The following GTF2IRD1 variants were observed in gnomAD, a reference collection of about 807,000 sequenced individuals.
GTF2IRD1 encodes the protein GTF2I repeat domain containing 1, also known as general transcription factor II-I repeat domain-containing protein 1.
GTF2IRD1 carries 26 observed loss-of-function variants against 113.2 expected under a neutral mutation model. The observed-to-expected ratio is 0.23, with a 90% confidence interval of 0.17 to 0.32. GTF2IRD1 has a LOEUF of 0.32. GTF2IRD1 is among the 10% of genes least tolerant of loss of function. The probability of loss-of-function intolerance (pLI) is 1.00; values close to 1 mark genes in which losing one functional copy is unlikely to be tolerated. For synonymous variants in GTF2IRD1, 484 were observed against 529.1 expected (o/e 0.91, Z 1.17); for missense variants, 864 against 1,280.8 (o/e 0.67, Z 4.97).
At chr7:74,533,882 A>C (rs1434665294) in intron 9 of GTF2IRD1, among the ~76,000 whole-genome samples, 1 of 152,038 alleles carries the variant, frequency 6.6e-6, no homozygotes, top group Non-Finnish European at 1.5e-5. Context: ...TTTAAAACTT[A>C]GCTGGCATTG....
rs781834890 is a variant in GTF2IRD1, at chr7:74,589,871, C to T, written c.2341C>T (p.Leu781Phe). The change falls in exon 23 of 27, where the codon CTC becomes TTC. Residue 781 changes from leucine (L) to phenylalanine (F), a missense_variant. By Grantham distance (22) the Leu-to-Phe change is conservative (BLOSUM62 0). Transcript: ENST00000424337. ...TGTAGATGAAGATGACGCCAACAGACTCGGGGAGAAGGTGATCCTGCGGGA... is the reference window on the plus strand; with the variant it reads ...TGTAGATGAAGATGACGCCAACAGATTCGGGGAGAAGGTGATCCTGCGGGA... ...PKPDEDDANR[L>F]GEKVILREQV... 4 of 1,611,744 alleles carry T rather than the reference C, an allele frequency of 2.5e-6. No homozygotes were observed. The highest frequency in any genetic ancestry group is 1.1e-5 in the South Asian group (1 of 91,030).
At position 74,515,478 on chromosome 7, in the gene GTF2IRD1, C is replaced by G; in HGVS notation, c.303C>G (p.Pro101=). Residue 101 remains proline, a synonymous_variant, in exon 4 of 27, where the codon CCC becomes CCG. Coordinates refer to ENST00000424337, the MANE Select transcript of GTF2IRD1 (RefSeq NM_005685.4). The part of the protein sequence containing the change: ...PPWKDPEAEH[P]KKVQRGEGGG... ...GGAAGGATCCGGAGGCAGAGCACCC[C>G]AAGAAGGTGCAGCGGGGCGAGGGTG... The G allele has an allele frequency of 6.2e-7, 1 of 1,608,134 alleles. No individual in the cohort carries two copies. The highest frequency in any genetic ancestry group is 8.5e-7 in the Non-Finnish European group (1 of 1,176,808).
chr7:74,519,751 GGGGT>G, intron 6 of GTF2IRD1, 32 bp downstream of exon 6: 1 of 1,482,340 alleles, frequency 6.7e-7, no homozygotes, highest in South Asian at 1.3e-5. Flanking sequence ...CCAAGTCTAG[GGGGT>G]GGGACAGAGG....
intron 24 of GTF2IRD1, among the ~76,000 whole-genome samples, chr7:74,593,716 G>C (rs1802216754): frequency 7.0e-6 from 1 of 143,046 alleles, no homozygotes; most frequent in Non-Finnish European, 1.5e-5. Flanking sequence ...CTGGATGACA[G>C]AGCGAGACTC....
chr7:74,601,281 G>C, intron 26 of GTF2IRD1, 101 bp downstream of exon 26: 1 of 1,548,746 alleles, frequency 6.5e-7, no homozygotes. Flanking sequence ...AGGGGACGGG[G>C]AGGCACTGGG....
chr7:74,493,213 G>A lies in GTF2IRD1; in HGVS notation c.-6-14862G>A, dbSNP rs1423044648. The stretch of plus-strand genomic sequence containing the variant: ...CATCCTTGACCTCCTGGGCTCAGGG[G>A]ATCCTCCCATCTCAGCCTCCCGAGT... On this transcript the variant is annotated intron_variant, in intron 1 of 26. Coordinates refer to ENST00000424337, the MANE Select transcript of GTF2IRD1 (RefSeq NM_005685.4). Among the ~76,000 whole-genome samples, 4 of 151,480 alleles carry A rather than the reference G, an allele frequency of 2.6e-5. No individual in the cohort carries two copies. The East Asian group carries it at 7.8e-4, about 29-fold the overall frequency.
intron 22 of GTF2IRD1, among the ~76,000 whole-genome samples, chr7:74,586,416 A>T (rs782818346): frequency 2.0e-5 from 3 of 152,080 alleles, no homozygotes; most frequent in Non-Finnish European, 4.4e-5. Context: ...ACTCCACGAG[A>T]TAGGGACACG....
intron 25 of GTF2IRD1, among the ~76,000 whole-genome samples, chr7:74,596,643 G>GAAAAGA (rs1562903435): frequency 6.6e-6 from 1 of 151,534 alleles, no homozygotes; most frequent in Non-Finnish European, 1.5e-5. Flanking sequence ...ACTCTGTCTC[G>GAAAAGA]AAAAGAAAAA....
chr7:74,528,619 G>T (rs1797736474), intron 8 of GTF2IRD1, among the ~76,000 whole-genome samples: 2 of 144,022 alleles, frequency 1.4e-5, no homozygotes, highest in South Asian at 2.5e-4. Flanking sequence ...GGGAATGAGG[G>T]ATGGAGGAGG....
intron 1 of GTF2IRD1, chr7:74,507,413 A>C (rs1584548617): frequency 6.6e-6 from 1 of 152,292 alleles, no homozygotes; most frequent in East Asian, 1.9e-4. Context: ...GGGAGGTTGC[A>C]GTGAGCCAAG....
intron 1 of GTF2IRD1, among the ~76,000 whole-genome samples, chr7:74,477,852 C>T (rs184026808): frequency 9.9e-5 from 15 of 152,230 alleles, no homozygotes; most frequent in Non-Finnish European, 1.3e-4. Flanking sequence ...AGCCTTTTCC[C>T]GACAAGAAAA....
At chr7:74,556,933 C>T (rs1204570994) in intron 19 of GTF2IRD1, among the ~76,000 whole-genome samples, 7 of 151,798 alleles carry the variant, frequency 4.6e-5, no homozygotes, top group South Asian at 2.1e-4. Context: ...CACACTTGGG[C>T]GTTTTTAATG....
intron 24 of GTF2IRD1, among the ~76,000 whole-genome samples, chr7:74,594,008 G>A (rs1477281566): frequency 6.6e-6 from 1 of 151,808 alleles, no homozygotes; most frequent in Non-Finnish European, 1.5e-5. Context: ...GACCAGCCTG[G>A]CCAACATAGT....
chr7:74,595,148 G>C, intron 25 of GTF2IRD1, 97 bp downstream of exon 25: 1 of 777,450 alleles, frequency 1.3e-6, no homozygotes, highest in Admixed American at 2.2e-5. Flanking sequence ...GCTCATGCCT[G>C]TAATCCCAGC....
chr7:74,486,724 C>G (rs1490071278), intron 1 of GTF2IRD1, among the ~76,000 whole-genome samples: 2 of 151,866 alleles, frequency 1.3e-5, no homozygotes, highest in Non-Finnish European at 2.9e-5. Flanking sequence ...ATAGTCCCAG[C>G]TACTCAGGAA....
intron 1 of GTF2IRD1, among the ~76,000 whole-genome samples, chr7:74,479,752 CTT>C (rs1219454712): frequency 1.2e-4 from 15 of 122,128 alleles, no homozygotes; most frequent in African/African-American, 1.6e-4. Flanking sequence ...GTACATGAAT[CTT>C]TTTTTTTTTT....
At chr7:74,459,082 A>C (rs1554328296) in intron 1 of GTF2IRD1, among the ~76,000 whole-genome samples, 2 of 152,022 alleles carry the variant, frequency 1.3e-5, no homozygotes, top group East Asian at 1.9e-4. Flanking sequence ...TTGTGGCTTC[A>C]TGAGTATGGA....
chr7:74,578,892 C>T (rs199636481), intron 22 of GTF2IRD1, among the ~76,000 whole-genome samples: 12 of 151,304 alleles, frequency 7.9e-5, no homozygotes, highest in East Asian at 3.9e-4. Context: ...GAGGCTGAGG[C>T]GGGAGGATCG....
intron 1 of GTF2IRD1, among the ~76,000 whole-genome samples, chr7:74,454,960 T>TCAC (rs1792866487): frequency 6.6e-6 from 1 of 152,130 alleles, no homozygotes; most frequent in African/African-American, 2.4e-5. Flanking sequence ...CCTGGGCTCC[T>TCAC]CACCCCTGGC....
Sources: gnomAD v4.1 joint callset for allele counts (sites outside exome capture counted in the v4.1 genomes callset) on GRCh38, gnomAD v4.1.1 for gene constraint, MANE v1.5 for transcripts, NCBI Gene and HGNC (gene_info 2026-07-23, HGNC 2026-07-21) for gene names.